The following ANKS1B variants were observed in gnomAD, a reference collection of about 807,000 sequenced individuals.
ANKS1B encodes the protein ankyrin repeat and sterile alpha motif domain-containing protein 1B.
Under a neutral mutation model 148.3 loss-of-function variants are expected in ANKS1B, and 36 were observed. The ratio of observed to expected loss-of-function variants is 0.24; its 90% confidence interval spans 0.19 to 0.32. The LOEUF is 0.32. Ranked by LOEUF, ANKS1B falls within the 10% of genes least tolerant of loss-of-function variation. ANKS1B has a pLI of 1.00. For missense variants in ANKS1B, 1,157 were observed against 1,542.6 expected, an observed-to-expected ratio of 0.75 and a Z score of 4.19; for synonymous variants, 542 against 560.8, an observed-to-expected ratio of 0.97 and a Z score of 0.47.
intron 17 of ANKS1B, among the ~76,000 whole-genome samples, chr12:99,052,734 C>CAAAAAAAAAAAAAAAA (rs56965572): frequency 3.8e-5 from 1 of 26,016 alleles, no homozygotes; most frequent in African/African-American, 1.9e-4. Flanking sequence ...GACTCCGTCT[C>CAAAAAAAAAAAAAAAA]AAAAAAAAAA....
At chr12:99,171,504 T>C (rs2077753983) in intron 14 of ANKS1B, among the ~76,000 whole-genome samples, 1 of 152,200 alleles carries the variant, frequency 6.6e-6, no homozygotes, top group Non-Finnish European at 1.5e-5. Flanking sequence ...TATGGTCTGA[T>C]GTTAAAATGC....
At chr12:99,522,142 G>C (rs1053712939) in intron 9 of ANKS1B, among the ~76,000 whole-genome samples, 1 of 152,182 alleles carries the variant, frequency 6.6e-6, no homozygotes, top group Non-Finnish European at 1.5e-5. Context: ...TCTAATGCCT[G>C]ATTATGGATC....
chr12:99,367,401 A>G (rs1417864687), intron 12 of ANKS1B, among the ~76,000 whole-genome samples: 1 of 152,204 alleles, frequency 6.6e-6, no homozygotes, highest in Non-Finnish European at 1.5e-5. Context: ...CAAACATTTG[A>G]AAGAAGTCTG....
chr12:99,428,693 T>G (rs2095308856), intron 11 of ANKS1B, among the ~76,000 whole-genome samples: 1 of 152,160 alleles, frequency 6.6e-6, no homozygotes, highest in South Asian at 2.1e-4. Context: ...ACAAATATTC[T>G]CTAGCCCTGC....
intron 9 of ANKS1B, among the ~76,000 whole-genome samples, chr12:99,559,960 AGACAACATACAAT>A (rs1232756623): frequency 6.6e-6 from 1 of 152,240 alleles, no homozygotes; most frequent in Non-Finnish European, 1.5e-5. Flanking sequence ...TAATTGTAGA[AGACAACATACAAT>A]GAGGCCTCGG....
intron 9 of ANKS1B, among the ~76,000 whole-genome samples, chr12:99,642,346 T>C (rs2098316536): frequency 8.2e-6 from 1 of 122,238 alleles, no homozygotes; most frequent in African/African-American, 2.7e-5. Context: ...CTGACCTAAT[T>C]TCTGTAGCTA....
At chr12:99,533,303 A>G (rs571655682) in intron 9 of ANKS1B, among the ~76,000 whole-genome samples, 5 of 152,264 alleles carry the variant, frequency 3.3e-5, no homozygotes, top group African/African-American at 1.2e-4. Flanking sequence ...GCTATTGTAA[A>G]TGGGATTGAG....
chr12:98,888,297 C>A (rs1165809585), intron 17 of ANKS1B, among the ~76,000 whole-genome samples: 1 of 152,068 alleles, frequency 6.6e-6, no homozygotes, highest in Non-Finnish European at 1.5e-5. Context: ...AAATGTTTTC[C>A]AAAATTTGAT....
intron 10 of ANKS1B, among the ~76,000 whole-genome samples, chr12:99,494,426 C>T (rs73379521): frequency 0.016 from 2,426 of 152,128 alleles, 76 homozygotes; most frequent in African/African-American, 0.055. Context: ...GCTTTTCAAA[C>T]GATAAAGACC....
chr12:99,349,015 G>A (rs2091089989), intron 12 of ANKS1B, among the ~76,000 whole-genome samples: 2 of 151,840 alleles, frequency 1.3e-5, no homozygotes, highest in Admixed American at 1.3e-4. Flanking sequence ...GTGAAAACAT[G>A]GAATTTGTGA....
intron 14 of ANKS1B, among the ~76,000 whole-genome samples, chr12:99,225,914 T>C (rs2085862964): frequency 6.6e-6 from 1 of 152,232 alleles, no homozygotes; most frequent in Non-Finnish European, 1.5e-5. Context: ...TCCCCATCCA[T>C]CCTATTAGTT....
chr12:99,466,638 A>C (rs12819437), intron 10 of ANKS1B, among the ~76,000 whole-genome samples: 4,101 of 144,934 alleles, frequency 0.028, 242 homozygotes, highest in African/African-American at 0.11. Context: ...ATACAAACTA[A>C]CATCAGAGAA....
intron 9 of ANKS1B, among the ~76,000 whole-genome samples, chr12:99,532,062 ATTTG>A (rs779426309): frequency 1.4e-4 from 21 of 147,906 alleles, no homozygotes; most frequent in Admixed American, 4.7e-4. Context: ...TTTCTTGCTG[ATTTG>A]TTTGAGTTCC....
At chr12:99,731,415 TGTGTGTGTGTGTGTGTG>T (rs1229286519) in intron 8 of ANKS1B, among the ~76,000 whole-genome samples, 12 of 30,326 alleles carry the variant, frequency 4.0e-4, no homozygotes, top group Non-Finnish European at 1.1e-3. Context: ...CACCGTGCCG[TGTGTGTGTGTGTGTGTG>T]TGTGTGTGTG....
intron 14 of ANKS1B, among the ~76,000 whole-genome samples, chr12:99,174,968 T>G (rs1163842599): frequency 6.6e-6 from 1 of 152,224 alleles, no homozygotes; most frequent in Non-Finnish European, 1.5e-5. Context: ...TGATGCTCAA[T>G]GAAGGAATTC....
intron 12 of ANKS1B, among the ~76,000 whole-genome samples, chr12:99,250,698 T>TAG (rs370212606): frequency 0.32 from 48,812 of 152,182 alleles, 9,275 homozygotes; most frequent in African/African-American, 0.54. Context: ...TATATGAAAA[T>TAG]ATAAACTATA....
chr12:99,663,203 A>G (rs890982264), intron 8 of ANKS1B, among the ~76,000 whole-genome samples: 4 of 152,134 alleles, frequency 2.6e-5, no homozygotes, highest in African/African-American at 9.7e-5. Context: ...ATGATCAGAT[A>G]GATGATAGGT....
At chr12:99,164,108 T>C (rs960649424) in intron 14 of ANKS1B, among the ~76,000 whole-genome samples, 9 of 152,158 alleles carry the variant, frequency 5.9e-5, no homozygotes, top group Non-Finnish European at 8.8e-5. Flanking sequence ...GTTTTCTTCA[T>C]TGGATTGTTT....
At chr12:99,206,785 GC>G in intron 14 of ANKS1B, among the ~76,000 whole-genome samples, 1 of 152,102 alleles carries the variant, frequency 6.6e-6, no homozygotes, top group Non-Finnish European at 1.5e-5. Flanking sequence ...GGAAAATATA[GC>G]CTATTGAACT....
Sources: gnomAD v4.1 joint callset for allele counts (sites outside exome capture counted in the v4.1 genomes callset) on GRCh38, gnomAD v4.1.1 for gene constraint, MANE v1.5 for transcripts, NCBI Gene and HGNC (gene_info 2026-07-23, HGNC 2026-07-21) for gene names.